The following SHANK2 variants were observed in gnomAD, a reference collection of about 807,000 sequenced individuals.
The protein encoded by SHANK2 is SH3 and multiple ankyrin repeat domains protein 2.
SHANK2 carries 43 observed loss-of-function variants against 133.7 expected under a neutral mutation model. That is an observed-to-expected ratio of 0.32 (90% CI 0.25 to 0.41). The LOEUF is 0.41. Ranked by LOEUF, SHANK2 falls within the 10% of genes least tolerant of loss-of-function variation. The probability of loss-of-function intolerance (pLI) is 1.00; values close to 1 mark genes in which losing one functional copy is unlikely to be tolerated. For missense variants in SHANK2, 1,994 were observed against 2,235.8 expected, an observed-to-expected ratio of 0.89 and a Z score of 2.18; for synonymous variants, 1,017 against 952.8, an observed-to-expected ratio of 1.07 and a Z score of -1.24.
Position 70,884,628 on chromosome 11 carries a change from C to T in SHANK2, c.1174+11873G>A, listed in dbSNP as rs546317388. Among the ~76,000 whole-genome samples, 351 of 152,346 alleles carry T rather than the reference C, an allele frequency of 2.3e-3. 2 individuals are homozygous for T. Among genetic ancestry groups the T allele is most frequent in the Middle Eastern group, 0.017 (5 of 294 alleles). ...CTGCACTGGGTCTTCTGGGACAGAC[C>T]TCTCCCTGCCTACGGTGTCCGGTCC... is the stretch of plus-strand genomic sequence containing the variant. On this transcript the variant is annotated intron_variant, in intron 11 of 25. Transcript: ENST00000601538.
Position 70,473,947 on chromosome 11 carries a change from G to T in SHANK2, c.4980-508C>A. On this transcript the variant is annotated intron_variant, in intron 25 of 25. Coordinates refer to ENST00000601538, the MANE Select transcript of SHANK2 (RefSeq NM_012309.5). This position sits in a 1 kb window ranked among gnomAD's most constrained non-coding sequence, Gnocchi z 5.9. ...GCAGGTGGGAAGGAGCACACCTGGA[G>T]GACAGGCCCCTCAGCCGCCTGGCAG... The T allele has an allele frequency of 4.4e-6, 1 of 225,358 alleles. No individual in the cohort carries two copies. The highest frequency in any genetic ancestry group is 9.1e-6 in the Non-Finnish European group (1 of 109,780). The allele number at this position is 225,358 out of a possible 1,614,324, so 14.0% of individuals were successfully genotyped here. A position where few individuals can be genotyped will look rare whatever the true frequency, so the allele number is the denominator to read the frequency against.
intron 3 of SHANK2, among the ~76,000 whole-genome samples, chr11:71,141,531 G>C (rs1313913044): frequency 4.6e-5 from 7 of 152,062 alleles, no homozygotes; most frequent in African/African-American, 1.7e-4. Flanking sequence ...ACAACAAGAA[G>C]ATGTGACTTT....
At chr11:70,704,205 A>C (rs1945610276) in intron 14 of SHANK2, among the ~76,000 whole-genome samples, 1 of 152,274 alleles carries the variant, frequency 6.6e-6, no homozygotes, top group African/African-American at 2.4e-5. Flanking sequence ...AACCCTGGAC[A>C]CAGCCATGCC....
intron 10 of SHANK2, among the ~76,000 whole-genome samples, chr11:70,906,062 C>G (rs1412212407): frequency 6.6e-6 from 1 of 152,172 alleles, no homozygotes; most frequent in Non-Finnish European, 1.5e-5. Flanking sequence ...ATCTGCCGGC[C>G]TAGGCCTCCC....
In SHANK2 at chr11:70,807,263, T is replaced by C; in HGVS notation, c.1494-92A>G. 2 of 677,016 alleles carry C rather than the reference T, an allele frequency of 3.0e-6. No individual in the cohort carries two copies. The highest frequency in any genetic ancestry group is 5.4e-5 in the East Asian group (2 of 36,778). The allele number at this position is 677,016 out of a possible 1,614,324, so 41.9% of individuals were successfully genotyped here. ...AACCACAGCCAAGCCATTCAACGCATGCTGCGCCTCGGCTGGCCGCATCAG... is the reference window on the plus strand; with the variant it reads ...AACCACAGCCAAGCCATTCAACGCACGCTGCGCCTCGGCTGGCCGCATCAG... On this transcript the variant is annotated intron_variant, in intron 12 of 25. Coordinates refer to ENST00000601538, the MANE Select transcript of SHANK2 (RefSeq NM_012309.5). The surrounding 1 kb of genome is among the most constrained non-coding windows in gnomAD (Gnocchi z 4.8).
intron 15 of SHANK2, among the ~76,000 whole-genome samples, chr11:70,680,697 G>A (rs1945010845): frequency 6.6e-6 from 1 of 152,148 alleles, no homozygotes; most frequent in Non-Finnish European, 1.5e-5. Flanking sequence ...GGATGTCTCT[G>A]GGCTCCACAG....
At chr11:70,791,981 G>T (rs1308110995) in intron 14 of SHANK2, among the ~76,000 whole-genome samples, 2 of 152,130 alleles carry the variant, frequency 1.3e-5, no homozygotes, top group Non-Finnish European at 2.9e-5. Context: ...TACAACTAAG[G>T]CTCAGGTGAG....
chr11:70,812,696 C>T (rs1555053435), intron 12 of SHANK2, among the ~76,000 whole-genome samples: 6 of 152,238 alleles, frequency 3.9e-5, no homozygotes, highest in Non-Finnish European at 1.5e-5. Context: ...GGGAGAAGGG[C>T]TGCCCCGCTC....
chr11:70,822,546 A>C (rs11237604), intron 11 of SHANK2, among the ~76,000 whole-genome samples: 225 of 103,520 alleles, frequency 2.2e-3, no homozygotes, highest in Middle Eastern at 6.7e-3. Flanking sequence ...GTGGCGCTGG[A>C]AGAGTTCACG....
intron 11 of SHANK2, among the ~76,000 whole-genome samples, chr11:70,872,845 A>G (rs2135547336): frequency 6.6e-6 from 1 of 152,264 alleles, no homozygotes; most frequent in East Asian, 1.9e-4. Flanking sequence ...CCACAGTGGA[A>G]CATGGCATTG....
chr11:70,735,433 T>C (rs1229704659), intron 14 of SHANK2, among the ~76,000 whole-genome samples: 1 of 152,086 alleles, frequency 6.6e-6, no homozygotes, highest in African/African-American at 2.4e-5. Context: ...GGGCTGGGTG[T>C]GGTGGCTCAT....
At chr11:70,586,486 T>C (rs1448830301) in intron 17 of SHANK2, among the ~76,000 whole-genome samples, 1 of 152,116 alleles carries the variant, frequency 6.6e-6, no homozygotes, top group African/African-American at 2.4e-5. Context: ...AGGTGCTGCA[T>C]AGCTTGTCAC....
chr11:71,082,575 T>TCC (rs1951314706), intron 8 of SHANK2, among the ~76,000 whole-genome samples: 1 of 152,108 alleles, frequency 6.6e-6, no homozygotes, highest in African/African-American at 2.4e-5. Flanking sequence ...GGCAGGAAGG[T>TCC]AACCAGAAAG....
chr11:71,165,525 A>G (rs1424730549), intron 2 of SHANK2, among the ~76,000 whole-genome samples: 1 of 152,116 alleles, frequency 6.6e-6, no homozygotes, highest in Non-Finnish European at 1.5e-5. Flanking sequence ...AGGCCCCTAC[A>G]GCATGAAGAA....
chr11:71,114,296 C>T (rs1002944176), intron 4 of SHANK2, among the ~76,000 whole-genome samples: 3 of 152,308 alleles, frequency 2.0e-5, no homozygotes, highest in Admixed American at 6.5e-5. Context: ...CCTTACTGCC[C>T]TTGATGCCGT....
intron 11 of SHANK2, among the ~76,000 whole-genome samples, chr11:70,879,539 C>T (rs1368646637): frequency 6.6e-6 from 1 of 152,184 alleles, no homozygotes; most frequent in Admixed American, 6.5e-5. Flanking sequence ...CGGAAAATTC[C>T]GGATTGGAAC....
chr11:70,647,005 G>T (rs2061272941), intron 17 of SHANK2, among the ~76,000 whole-genome samples: 1 of 151,980 alleles, frequency 6.6e-6, no homozygotes, highest in Non-Finnish European at 1.5e-5. Context: ...GGTACTACAG[G>T]TGTCCGCCAC....
rs143446457 is a variant in SHANK2, at chr11:70,908,013, A to G, written c.1108-11446T>C. Reference sequence around the variant, plus strand: ...CTACTTGGGAGGCTGAGGCAGGAGAATCGCTTGAACCCGGGAAGTGGAGGT... The same window carrying G: ...CTACTTGGGAGGCTGAGGCAGGAGAGTCGCTTGAACCCGGGAAGTGGAGGT... On this transcript the variant is annotated intron_variant, in intron 10 of 25. Coordinates refer to ENST00000601538, the MANE Select transcript of SHANK2 (RefSeq NM_012309.5). 2,090 of 422,502 alleles carry G rather than the reference A, an allele frequency of 4.9e-3. 13 individuals are homozygous for G. Among genetic ancestry groups the G allele is most frequent in the Non-Finnish European group, 8.0e-3 (1,651 of 205,288 alleles). The allele number at this position is 422,502 out of a possible 1,614,324, so 26.2% of individuals were successfully genotyped here. A position where few individuals can be genotyped will look rare whatever the true frequency, so the allele number is the denominator to read the frequency against.
chr11:71,158,683 G>T (rs1222106062), intron 2 of SHANK2, among the ~76,000 whole-genome samples: 8 of 152,178 alleles, frequency 5.3e-5, no homozygotes, highest in Non-Finnish European at 1.2e-4. Flanking sequence ...ACTAAGAGGA[G>T]ACTCATTCTA....
Sources: allele counts gnomAD v4.1 joint callset (sites outside exome capture counted in the v4.1 genomes callset), GRCh38; gene constraint gnomAD v4.1.1; non-coding constraint Gnocchi (gnomAD v3.1); transcripts MANE v1.5; gene names NCBI Gene and HGNC (gene_info 2026-07-23, HGNC 2026-07-21).